The following RYR2 variants were observed in gnomAD, a reference collection of about 807,000 sequenced individuals.
RYR2 encodes the protein ryanodine receptor 2.
RYR2 carries 227 observed loss-of-function variants against 601.1 expected under a neutral mutation model. The ratio of observed to expected loss-of-function variants is 0.38; its 90% CI spans 0.34 to 0.42. The LOEUF is 0.42. Ranked by LOEUF, RYR2 falls within the 10% of genes least tolerant of loss-of-function variation. The probability of loss-of-function intolerance (pLI) is 1.00; values close to 1 mark genes in which losing one functional copy is unlikely to be tolerated. For missense variants in RYR2, 4,646 were observed against 6,156.5 expected (o/e 0.75, Z 8.21); for synonymous variants, 2,223 against 2,175.1 (o/e 1.02, Z -0.61).
chr1:237,380,396 A>AG (rs1558718157), intron 8 of RYR2, among the ~76,000 whole-genome samples: 3 of 35,672 alleles, frequency 8.4e-5, no homozygotes, highest in South Asian at 7.1e-4. Flanking sequence ...ATATATATAT[A>AG]TATATATATA....
At chr1:237,597,424 G>C (rs1676012680) in intron 34 of RYR2, among the ~76,000 whole-genome samples, 1 of 151,576 alleles carries the variant, frequency 6.6e-6, no homozygotes, top group Non-Finnish European at 1.5e-5. Context: ...TGGGATTATA[G>C]GCATGCACCA....
At chr1:237,239,944 A>C (rs962284634) in intron 1 of RYR2, among the ~76,000 whole-genome samples, 2 of 152,222 alleles carry the variant, frequency 1.3e-5, no homozygotes, top group Non-Finnish European at 2.9e-5. Flanking sequence ...GGAGGGAAGA[A>C]GTTTGGATAA....
intron 29 of RYR2, among the ~76,000 whole-genome samples, chr1:237,586,860 C>T (rs1047674083): frequency 3.9e-5 from 6 of 152,046 alleles, no homozygotes; most frequent in African/African-American, 1.4e-4. Context: ...ACTGGGACTA[C>T]AGGTGCCCAC....
chr1:237,567,828 C>A (rs1279511326), intron 28 of RYR2, among the ~76,000 whole-genome samples: 1 of 151,906 alleles, frequency 6.6e-6, no homozygotes, highest in African/African-American at 2.4e-5. Flanking sequence ...TTGGATATTT[C>A]TTGGAGTGAA....
chr1:237,517,650 T>G (rs1666684690), intron 24 of RYR2, among the ~76,000 whole-genome samples: 1 of 150,954 alleles, frequency 6.6e-6, no homozygotes, highest in Admixed American at 6.6e-5. Flanking sequence ...AAAAAAAAGG[T>G]TTTATTTTTT....
chr1:237,594,302 G>A (rs1208379110), intron 33 of RYR2, among the ~76,000 whole-genome samples: 1 of 152,186 alleles, frequency 6.6e-6, no homozygotes, highest in African/African-American at 2.4e-5. Context: ...GATCTGCTGT[G>A]ACAGGTCTCC....
chr1:237,182,834 T>G (rs1678933779), intron 1 of RYR2, among the ~76,000 whole-genome samples: 1 of 152,214 alleles, frequency 6.6e-6, no homozygotes, highest in South Asian at 2.1e-4. Context: ...GCCAGACATT[T>G]AGGCATTACA....
At chr1:237,452,947 T>C (rs1288475191) in intron 14 of RYR2, among the ~76,000 whole-genome samples, 1 of 152,028 alleles carries the variant, frequency 6.6e-6, no homozygotes, top group African/African-American at 2.4e-5. Flanking sequence ...TTCCTCATGG[T>C]AGATATGTTT....
intron 36 of RYR2, among the ~76,000 whole-genome samples, chr1:237,611,710 T>G (rs2148579682): frequency 6.6e-6 from 1 of 152,318 alleles, no homozygotes; most frequent in South Asian, 2.1e-4. Flanking sequence ...TAAAAACAAG[T>G]CATGAAAGTA....
chr1:237,550,569 G>A lies in RYR2; in HGVS notation c.3092G>A (p.Arg1031His), dbSNP rs772646981. The A allele has an allele frequency of 1.2e-6, 2 of 1,609,090 alleles. No homozygotes were observed. The highest frequency in any genetic ancestry group is 2.2e-5 in the East Asian group (1 of 44,744). The change falls in exon 27 of 105, where the codon CGC becomes CAC. Residue 1031 changes from arginine (R) to histidine (H), a missense_variant. Arg to His is a conservative substitution (Grantham distance 29). Around this residue, in one of 17 missense-constraint regions of RYR2, gnomAD observed 1,807 missense variants for 2,088.1 expected, o/e 0.87. Transcript: ENST00000366574. ...QQDVKNRRNP[R>H]LVPYTLLDDR... ...GACGTAAAGAACAGAAGAAATCCTCGCCTTGTTCCCTACACTCTTCTGGAT... is the reference window on the plus strand; with the variant it reads ...GACGTAAAGAACAGAAGAAATCCTCACCTTGTTCCCTACACTCTTCTGGAT...
chr1:237,642,481 A>C (rs1681661764), intron 47 of RYR2, among the ~76,000 whole-genome samples: 1 of 152,256 alleles, frequency 6.6e-6, no homozygotes, highest in Admixed American at 6.5e-5. Flanking sequence ...TCTCAGAAAA[A>C]AACATCAGCG....
rs183937956 is a variant in RYR2, at chr1:237,191,762, C to T, written c.49-78735C>T. Among the ~76,000 whole-genome samples, 10 of 152,152 alleles carry T rather than the reference C, an allele frequency of 6.6e-5. No homozygotes were observed. In the East Asian group the frequency reaches 1.4e-3, roughly 21 times the overall value. On this transcript the variant is annotated intron_variant, in intron 1 of 104. Transcript: ENST00000366574. ...ATTTCTTATTCTTGCTGAGAAATAC[C>T]GGTTTTATGTGAAAAACCCTCAATT... is the stretch of plus-strand genomic sequence containing the variant.
chr1:237,608,792 A>AC (rs1677440153), intron 35 of RYR2, among the ~76,000 whole-genome samples: 2 of 108,368 alleles, frequency 1.8e-5, no homozygotes, highest in Admixed American at 2.6e-4. Flanking sequence ...GTTCAGACTG[A>AC]CCTGTTTTTT....
At chr1:237,187,488 G>A (rs1454067961) in intron 1 of RYR2, among the ~76,000 whole-genome samples, 1 of 123,984 alleles carries the variant, frequency 8.1e-6, no homozygotes, top group Non-Finnish European at 1.6e-5. Context: ...CTGTCACTCA[G>A]GCTGAAGTGC....
chr1:237,270,584 C>T lies in RYR2; in HGVS notation c.136C>T (p.Leu46Phe). The change falls in exon 2 of 105, where the codon CTT (leucine) becomes TTT (phenylalanine). Residue 46 changes from leucine (L) to phenylalanine (F), a missense_variant. Coordinates refer to ENST00000366574, the MANE Select transcript of RYR2 (RefSeq NM_001035.3). ...CLAAEGFGNR[L>F]CFLESTSNSK... ...GGCAGCAGAAGGATTTGGCAACAGA[C>T]TTTGTTTCTTGGAGTCCACTTCCAA... 1 of 1,594,368 alleles carries T rather than the reference C, an allele frequency of 6.3e-7. No homozygotes were observed. Among genetic ancestry groups the T allele is most frequent in the Non-Finnish European group, 8.5e-7 (1 of 1,169,884 alleles).
chr1:237,476,520 A>C (rs1295478187), intron 17 of RYR2, among the ~76,000 whole-genome samples: 2 of 40,742 alleles, frequency 4.9e-5, no homozygotes, highest in East Asian at 3.8e-3. Context: ...AAAAAAAAAA[A>C]AAAAAAAAAA....
At chr1:237,403,154 G>A (rs1045515440) in intron 10 of RYR2, among the ~76,000 whole-genome samples, 2 of 152,040 alleles carry the variant, frequency 1.3e-5, no homozygotes, top group Non-Finnish European at 2.9e-5. Flanking sequence ...CTCCAAAATT[G>A]ACTAACTATA....
Position 237,631,559 on chromosome 1 carries a change from T to TG in RYR2, c.6555+19dup. ...AGTCCAAGGTAACGTCTTTGATTCC[T>TG]GAGATGCTATTTAGTATCATCTCCT... On this transcript the variant is annotated intron_variant, in intron 42 of 104. Coordinates refer to ENST00000366574, the MANE Select transcript of RYR2 (RefSeq NM_001035.3). 8.9e-6 allele frequency: 13 copies of TG among 1,463,634 alleles called. No individual in the cohort carries two copies. The highest frequency in any genetic ancestry group is 1.2e-5 in the Non-Finnish European group (13 of 1,055,914). 90.7% of individuals were successfully genotyped at this position (1,463,634 alleles called of 1,614,324 possible). A position where few individuals can be genotyped will look rare whatever the true frequency, so the allele number is the denominator to read the frequency against.
In RYR2 at chr1:237,832,819, G is replaced by C; in HGVS notation, c.*172G>C. 1 of 515,412 alleles carries C rather than the reference G, an allele frequency of 1.9e-6. No homozygotes were observed. The highest frequency in any genetic ancestry group is 3.5e-6 in the Non-Finnish European group (1 of 288,540). The allele number at this position is 515,412 out of a possible 1,614,324, so 31.9% of individuals were successfully genotyped here. On this transcript the variant is annotated 3_prime_UTR_variant, in exon 105 of 105. Coordinates refer to ENST00000366574, the MANE Select transcript of RYR2 (RefSeq NM_001035.3). ...GAGCTGTTTCCTCCCCCCACCTTTTGTATTTACTTTGAGACTAAAGACTGA... is the reference window on the plus strand; with the variant it reads ...GAGCTGTTTCCTCCCCCCACCTTTTCTATTTACTTTGAGACTAAAGACTGA...
Sources: gnomAD v4.1 joint callset for allele counts (sites outside exome capture counted in the v4.1 genomes callset) on GRCh38, gnomAD v4.1.1 for gene constraint, gnomAD v4.1.1 regional missense constraint, MANE v1.5 for transcripts, NCBI Gene and HGNC (gene_info 2026-07-23, HGNC 2026-07-21) for gene names.